EYS: variants seen among roughly 807,000 people sequenced by gnomAD.
EYS encodes the protein EGF-like photoreceptor maintenance factor, also known as protein eyes shut homolog.
EYS carries 250 observed loss-of-function variants against 282.1 expected under a neutral mutation model. That is an observed-to-expected ratio of 0.89 (90% CI 0.80 to 0.98). The LOEUF is 0.98. Among genes scored for constraint, EYS ranks in the 50% least tolerant of loss-of-function variants. The pLI is 0.00. For synonymous variants in EYS, 1,355 were observed against 1,282.9 expected (o/e 1.06, Z -1.20); for missense variants, 4,016 against 3,709.0 (o/e 1.08, Z -2.15).
chr6:64,067,687 G>A (rs950799333), intron 32 of EYS, among the ~76,000 whole-genome samples: 2 of 152,036 alleles, frequency 1.3e-5, no homozygotes, highest in Admixed American at 1.3e-4. Flanking sequence ...TTGGCATGAT[G>A]TACAGGAAAA....
intron 12 of EYS, among the ~76,000 whole-genome samples, chr6:65,210,148 A>G (rs675105): frequency 0.031 from 4,689 of 152,172 alleles, 220 homozygotes; most frequent in African/African-American, 0.11. Flanking sequence ...TGTCCAAAAC[A>G]TGAAGACATA....
rs751872447 is a variant in EYS, at chr6:65,544,001, A to AGTGTGTGTGTGTGTGTGT, written c.-332-48026_-332-48009dup. ...TCCCACTTATTACTGAAAAAGAGAAAGTGTGTGTGTGTGTGTGTGTGTGTG... is the reference window on the plus strand; with the variant it reads ...TCCCACTTATTACTGAAAAAGAGAAAGTGTGTGTGTGTGTGTGTGTGTGTGTGTGTGTGTGTGTGTGTG... On this transcript the variant is annotated intron_variant, in intron 2 of 42. Coordinates refer to ENST00000503581, the MANE Select transcript of EYS (RefSeq NM_001142800.2). Among the ~76,000 whole-genome samples the AGTGTGTGTGTGTGTGTGT allele has an allele frequency of 1.5e-3, 211 of 145,036 alleles. 1 individual carries two copies. Among genetic ancestry groups the AGTGTGTGTGTGTGTGTGT allele is most frequent in the Non-Finnish European group, 2.4e-3 (162 of 66,272 alleles).
At chr6:64,091,481 GA>G (rs917061039) in intron 31 of EYS, among the ~76,000 whole-genome samples, 3 of 152,112 alleles carry the variant, frequency 2.0e-5, no homozygotes, top group African/African-American at 7.2e-5. Context: ...GAGGGTACAT[GA>G]GTAATATTTT....
At chr6:65,678,098 A>C (rs1325103644) in intron 1 of EYS, among the ~76,000 whole-genome samples, 1 of 152,014 alleles carries the variant, frequency 6.6e-6, no homozygotes, top group Non-Finnish European at 1.5e-5. Flanking sequence ...ATCATTGTGA[A>C]GGGAACGGGA....
At chr6:65,355,944 A>G (rs534275359) in intron 8 of EYS, among the ~76,000 whole-genome samples, 5 of 152,116 alleles carry the variant, frequency 3.3e-5, no homozygotes, top group Non-Finnish European at 7.4e-5. Flanking sequence ...CTAAAAACAG[A>G]AATGTGATTT....
intron 13 of EYS, among the ~76,000 whole-genome samples, chr6:65,016,077 A>G (rs1454566255): frequency 2.0e-5 from 3 of 146,722 alleles, no homozygotes; most frequent in African/African-American, 7.5e-5. Flanking sequence ...AAAAGAAAAA[A>G]AAAAAAACAG....
At chr6:65,095,470 A>G (rs1774712822) in intron 12 of EYS, among the ~76,000 whole-genome samples, 1 of 151,112 alleles carries the variant, frequency 6.6e-6, no homozygotes, top group African/African-American at 2.4e-5. Flanking sequence ...TACATGAGGT[A>G]ATGTGTATCT....
intron 24 of EYS, among the ~76,000 whole-genome samples, chr6:64,600,132 T>C (rs1766718442): frequency 6.6e-6 from 1 of 152,128 alleles, no homozygotes; most frequent in Non-Finnish European, 1.5e-5. Flanking sequence ...AGGTGACTTG[T>C]TCCTCTTTCC....
chr6:65,581,429 T>G lies in EYS; in HGVS notation c.-333+58349A>C, dbSNP rs538850146. On this transcript the variant is annotated intron_variant, in intron 2 of 42. Transcript: ENST00000503581. ...GAAACTATTAATAAATATATATCTTTCATCTATAATGGCCAGAATTATTCT... is the reference window on the plus strand; with the variant it reads ...GAAACTATTAATAAATATATATCTTGCATCTATAATGGCCAGAATTATTCT... 4.2e-4 allele frequency among the ~76,000 whole-genome samples: 64 copies of G among 152,270 alleles called. No homozygotes were observed. In the South Asian group the frequency reaches 0.013, roughly 31 times the overall value.
At chr6:64,955,281 T>A (rs1769658749) in intron 14 of EYS, among the ~76,000 whole-genome samples, 2 of 150,284 alleles carry the variant, frequency 1.3e-5, no homozygotes, top group African/African-American at 4.9e-5. Context: ...AAAGGAAAGA[T>A]CACAATAATG....
chr6:65,584,673 T>C (rs995188356), intron 2 of EYS, among the ~76,000 whole-genome samples: 3 of 151,942 alleles, frequency 2.0e-5, no homozygotes, highest in Non-Finnish European at 4.4e-5. Context: ...GAGGTCCCCA[T>C]CCAAAGTTTA....
At position 64,626,251 on chromosome 6, in the gene EYS, G is replaced by A. The variant is rs1562098604; in HGVS notation, c.3444-6C>T. On this transcript the variant is annotated splice_region_variant and splice_polypyrimidine_tract_variant and intron_variant, in intron 22 of 42. Transcript: ENST00000503581. ...CAGAAAATCCAGGAAGACATCTAAG[G>A]AAAAAAAATGAAAACGATATTTGTA... is the stretch of plus-strand genomic sequence containing the variant. 3 of 1,508,226 alleles carry A rather than the reference G, an allele frequency of 2.0e-6. No homozygotes were observed. The highest frequency in any genetic ancestry group is 2.5e-5 in the Admixed American group (1 of 39,222). 93.4% of individuals were successfully genotyped at this position (1,508,226 alleles called of 1,614,324 possible).
chr6:65,000,816 C>A (rs1042349470), intron 13 of EYS, among the ~76,000 whole-genome samples: 1 of 152,120 alleles, frequency 6.6e-6, no homozygotes, highest in African/African-American at 2.4e-5. Flanking sequence ...GGTGAACAAC[C>A]GTATAATGGT....
At chr6:65,301,637 C>T (rs1232507573) in intron 11 of EYS, among the ~76,000 whole-genome samples, 10 of 152,374 alleles carry the variant, frequency 6.6e-5, no homozygotes, top group African/African-American at 2.4e-4. Flanking sequence ...CAGAAAGCCA[C>T]CGACCTTATT....
At chr6:64,087,930 T>C (rs1157728078) in intron 31 of EYS, among the ~76,000 whole-genome samples, 2 of 152,126 alleles carry the variant, frequency 1.3e-5, no homozygotes. Flanking sequence ...AAAAAATGAC[T>C]TCCGTGTTGC....
chr6:64,139,864 G>A (rs1488875205), intron 31 of EYS, among the ~76,000 whole-genome samples: 1 of 151,932 alleles, frequency 6.6e-6, no homozygotes, highest in African/African-American at 2.4e-5. Context: ...AGCTACTTGG[G>A]AGGCTGAGGC....
At chr6:64,015,807 G>A (rs1768864630) in intron 33 of EYS, among the ~76,000 whole-genome samples, 1 of 152,192 alleles carries the variant, frequency 6.6e-6, no homozygotes, top group Non-Finnish European at 1.5e-5. Context: ...ATAGGTTAGT[G>A]TTAATGAGGG....
intron 5 of EYS, among the ~76,000 whole-genome samples, chr6:65,421,438 G>A (rs1479238290): frequency 2.0e-5 from 3 of 151,750 alleles, no homozygotes; most frequent in Non-Finnish European, 4.4e-5. Flanking sequence ...GAAATGTTGT[G>A]GCTGGTTTGG....
At chr6:64,419,658 A>C (rs1041297408) in intron 28 of EYS, among the ~76,000 whole-genome samples, 9 of 152,260 alleles carry the variant, frequency 5.9e-5, no homozygotes, top group Non-Finnish European at 1.0e-4. Context: ...CCAACAGGGC[A>C]GTCATTAAAC....
Sources: allele counts gnomAD v4.1 joint callset (sites outside exome capture counted in the v4.1 genomes callset), GRCh38; gene constraint gnomAD v4.1.1; transcripts MANE v1.5; gene names NCBI Gene and HGNC (gene_info 2026-07-23, HGNC 2026-07-21).